The following PPFIA1 variants were observed in gnomAD, a reference collection of about 807,000 sequenced individuals.
The protein encoded by PPFIA1 is liprin-alpha-1.
A neutral mutation model predicts 149.9 loss-of-function variants in PPFIA1; 25 were observed. The ratio of observed to expected loss-of-function variants is 0.17; its 90% CI spans 0.12 to 0.23. PPFIA1 has a LOEUF of 0.23. PPFIA1 is among the 10% of genes least tolerant of loss of function. PPFIA1 has a pLI of 1.00. For synonymous variants in PPFIA1, 549 were observed against 552.8 expected (o/e 0.99, Z 0.10); for missense variants, 1,362 against 1,506.5 (o/e 0.90, Z 1.59).
At chr11:70,345,819 C>A in intron 15 of PPFIA1, 1 of 227,294 alleles carries the variant, frequency 4.4e-6, no homozygotes, top group Non-Finnish European at 9.2e-6. Context: ...AGAGTGAGAT[C>A]TGTCTCAAAA....
rs7942679 is a variant in PPFIA1, at chr11:70,365,679, G to C, written c.2865+3191G>C. ...TAGCTTTAATCTAGCTCTCCTTTTG[G>C]AGAGATCTCAGTTGAGCCTCCATGT... On this transcript the variant is annotated intron_variant, in intron 21 of 27. Transcript: ENST00000253925. The C allele has an allele frequency of 6.5e-4, 230 of 354,304 alleles. 1 individual carries two copies. Among genetic ancestry groups the C allele is most frequent in the African/African-American group, 4.7e-3 (218 of 46,770 alleles). The allele number at this position is 354,304 out of a possible 1,614,324, so 21.9% of individuals were successfully genotyped here.
At chr11:70,362,818 G>T (rs1184171640) in intron 21 of PPFIA1, 1 of 186,646 alleles carries the variant, frequency 5.4e-6, no homozygotes, top group East Asian at 1.5e-4. Flanking sequence ...AGAGATGGGG[G>T]TCTCGCTGTG....
In PPFIA1 at chr11:70,330,219, A is replaced by G; in HGVS notation, c.977A>G (p.Glu326Gly). 1 of 1,603,252 alleles carries G rather than the reference A, an allele frequency of 6.2e-7. No individual in the cohort carries two copies. Among genetic ancestry groups the G allele is most frequent in the Non-Finnish European group, 8.5e-7 (1 of 1,175,998 alleles). ...EDMEERITTL[E>G]KRYLAAQREA... ...ATGGAAGAGAGAATCACTACTCTTG[A>G]AAAACGCTACCTCGCTGCACAGCGT... is the stretch of plus-strand genomic sequence containing the variant. Residue 326 changes from glutamate to glycine, a missense_variant, in exon 8 of 28, where the codon GAA (glutamate) becomes GGA (glycine). Physicochemically the swap from Glu to Gly is moderately conservative, Grantham distance 98 (BLOSUM62 -2). Coordinates refer to ENST00000253925, the MANE Select transcript of PPFIA1 (RefSeq NM_003626.5).
intron 19 of PPFIA1, among the ~76,000 whole-genome samples, chr11:70,360,992 T>G (rs2056614891): frequency 6.6e-6 from 1 of 152,180 alleles, no homozygotes; most frequent in Non-Finnish European, 1.5e-5. Flanking sequence ...ACTTGAGAAA[T>G]AAGATGAGAT....
chr11:70,339,032 G>T (rs2055148374), intron 13 of PPFIA1, 139 bp from the exon 14 acceptor site: 24 of 964,226 alleles, frequency 2.5e-5, no homozygotes, highest in Non-Finnish European at 3.3e-5. Context: ...AGCTCTTGGG[G>T]CAGATGAGAG....
intron 2 of PPFIA1, among the ~76,000 whole-genome samples, chr11:70,289,189 T>C (rs1362977670): frequency 6.6e-6 from 1 of 151,902 alleles, no homozygotes; most frequent in Non-Finnish European, 1.5e-5. Flanking sequence ...CCAGACTGGT[T>C]TTGAACTCCT....
chr11:70,331,995 G>A lies in PPFIA1; in HGVS notation c.1113G>A (p.Leu371=), dbSNP rs2054697130. The part of the protein sequence containing the change: ...EDKNRQLQER[L]ELAEQKLQQT... ...AAAACCGCCAGTTACAGGAGCGCTT[G>A]GAATTGGCAGAGCAAAAGCTGCAAC... The change falls in exon 9 of 28, where the codon TTG becomes TTA. Residue 371 remains leucine, a synonymous_variant. Coordinates refer to ENST00000253925, the MANE Select transcript of PPFIA1 (RefSeq NM_003626.5). 1.2e-6 allele frequency: 2 copies of A among 1,612,832 alleles called. No homozygotes were observed. Among genetic ancestry groups the A allele is most frequent in the East Asian group, 4.5e-5 (2 of 44,740 alleles).
intron 2 of PPFIA1, among the ~76,000 whole-genome samples, chr11:70,298,700 A>T (rs2052262963): frequency 6.6e-6 from 1 of 152,098 alleles, no homozygotes. Flanking sequence ...CTCGGGGAAG[A>T]GCTTCCCTGC....
At chr11:70,370,013 C>T (rs1224005093) in intron 21 of PPFIA1, among the ~76,000 whole-genome samples, 1 of 151,572 alleles carries the variant, frequency 6.6e-6, no homozygotes, top group South Asian at 2.1e-4. Context: ...AGTGCAGTGG[C>T]TCAATCTCAG....
At chr11:70,317,958 ACCCTG>A (rs1275928597) in intron 2 of PPFIA1, among the ~76,000 whole-genome samples, 4 of 152,010 alleles carry the variant, frequency 2.6e-5, no homozygotes, top group Non-Finnish European at 5.9e-5. Context: ...CAGTCCTAGG[ACCCTG>A]CCACCTTGTC....
At chr11:70,381,995 G>A in intron 26 of PPFIA1, 93 bp from the exon 27 acceptor site, 2 of 1,095,454 alleles carry the variant, frequency 1.8e-6, no homozygotes, top group South Asian at 1.4e-5. Context: ...TGCTGTAGGT[G>A]TGAAGATGTG....
At chr11:70,285,667 G>A (rs1348898380) in intron 2 of PPFIA1, among the ~76,000 whole-genome samples, 1 of 145,304 alleles carries the variant, frequency 6.9e-6, no homozygotes, top group African/African-American at 2.7e-5. Context: ...GGGACAGAGT[G>A]AGACTCTGTC....
At chr11:70,297,469 C>T (rs2052152881) in intron 2 of PPFIA1, among the ~76,000 whole-genome samples, 1 of 152,108 alleles carries the variant, frequency 6.6e-6, no homozygotes. Flanking sequence ...ATGGTGTCCA[C>T]AGTAACAGTC....
intron 21 of PPFIA1, chr11:70,367,531 T>C: frequency 2.2e-6 from 1 of 456,128 alleles, no homozygotes; most frequent in South Asian, 1.5e-5. Flanking sequence ...GAGTAAACAC[T>C]GTGCAGTGGG....
chr11:70,325,946 A>AG (rs1436219923), intron 5 of PPFIA1, among the ~76,000 whole-genome samples: 1 of 151,998 alleles, frequency 6.6e-6, no homozygotes, highest in African/African-American at 2.4e-5. Flanking sequence ...AAAAAAAAAA[A>AG]AAAAGTAAAA....
intron 26 of PPFIA1, among the ~76,000 whole-genome samples, chr11:70,379,661 A>AT (rs995609285): frequency 2.6e-5 from 4 of 151,444 alleles, no homozygotes; most frequent in African/African-American, 9.7e-5. Context: ...GTTTTTGCCA[A>AT]TTTTTTTTGT....
In PPFIA1 at chr11:70,324,468, A is replaced by G; in HGVS notation, c.331A>G (p.Ile111Val). 1 of 1,613,710 alleles carries G rather than the reference A, an allele frequency of 6.2e-7. No individual in the cohort carries two copies. Residue 111 changes from isoleucine (I) to valine (V), a missense_variant, in exon 3 of 28, where the codon ATT becomes GTT. Physicochemically the swap from Ile to Val is conservative, Grantham distance 29. Around this residue, in one of 7 missense-constraint regions of PPFIA1, gnomAD observed 79 missense variants for 146.2 expected, o/e 0.54. Transcript: ENST00000253925. ...ACAGCTCCTTGAAAGGGAAGAAGAA[A>G]TTGCTGAACTGAAAGCAGAAAGGAA... ...REQLLEREEE[I>V]AELKAERNNT...
intron 21 of PPFIA1, chr11:70,371,837 G>T: frequency 6.4e-6 from 1 of 156,148 alleles, no homozygotes; most frequent in Non-Finnish European, 1.4e-5. Flanking sequence ...AAACCAACCA[G>T]AGATAATTTT....
Position 70,325,524 on chromosome 11 carries a change from C to T in PPFIA1, c.556C>T (p.Leu186Phe). Residue 186 changes from leucine to phenylalanine, a missense_variant, in exon 5 of 28, where the codon CTT becomes TTT. Transcript: ENST00000253925. ...GGTGAGAGAGCGATTACGAGTAGCA[C>T]TTGAAAGATGTAGTTTGTTAGAAGA... ...EKVRERLRVA[L>F]ERCSLLEEEL... is the part of the protein sequence containing the mutation. 2 of 1,595,256 alleles carry T rather than the reference C, an allele frequency of 1.3e-6. No individual in the cohort carries two copies. The highest frequency in any genetic ancestry group is 1.7e-6 in the Non-Finnish European group (2 of 1,163,132).
Sources: allele counts gnomAD v4.1 joint callset (sites outside exome capture counted in the v4.1 genomes callset), GRCh38; gene constraint gnomAD v4.1.1; regional missense constraint gnomAD v4.1.1; transcripts MANE v1.5; gene names NCBI Gene and HGNC (gene_info 2026-07-23, HGNC 2026-07-21).